ZNF134: variants seen among roughly 807,000 people sequenced by gnomAD.
ZNF134 encodes the protein zinc finger protein 134.
Under a neutral mutation model 2.5 loss-of-function variants are expected in ZNF134, and 5 were observed. That is an observed-to-expected ratio of 2.03 (90% CI 1.06 to 4.27). The LOEUF (loss-of-function observed/expected upper bound fraction) is 4.27, where lower values mean the gene tolerates loss of function less well. Ranked by LOEUF, ZNF134 falls within the 30% of genes most tolerant of loss-of-function variation. The pLI, the probability that ZNF134 is intolerant of heterozygous loss-of-function variation, is 0.00. For synonymous variants in ZNF134, 176 were observed against 176.2 expected (o/e 1.00, Z 0.01); for missense variants, 540 against 517.5 (o/e 1.04, Z -0.42).
Position 57,622,227 on chromosome 19 carries a change from TG to T in ZNF134, c.*827del, listed in dbSNP as rs1416939529. On this transcript the variant is annotated 3_prime_UTR_variant, in exon 3 of 3. Transcript: ENST00000396161. ...TGCAGTGTTTTGAAACAGCATGGAT[TG>T]GGTGTCTTGTTTGCAGCATGTGTCC... 2 of 153,018 alleles carry T rather than the reference TG, an allele frequency of 1.3e-5. No homozygotes were observed. The highest frequency in any genetic ancestry group is 4.8e-5 in the African/African-American group (2 of 41,428). The allele number at this position is 153,018 out of a possible 1,614,324, so 9.5% of individuals were successfully genotyped here.
chr19:57,619,671 C>T, intron 2 of ZNF134, 163 bp downstream of exon 2: 1 of 809,046 alleles, frequency 1.2e-6, no homozygotes, highest in South Asian at 1.9e-5. Flanking sequence ...TGACTTCTGA[C>T]CCAGGGCTGT....
Position 57,620,176 on chromosome 19 carries a change from G to C in ZNF134, c.57G>C (p.Val19=). 5 of 1,611,672 alleles carry C rather than the reference G, an allele frequency of 3.1e-6. No homozygotes were observed. Among genetic ancestry groups the C allele is most frequent in the Non-Finnish European group, 4.2e-6 (5 of 1,178,180 alleles). The change falls in exon 3 of 3, where the codon GTG becomes GTC. Residue 19 remains valine (V), a synonymous_variant. Transcript: ENST00000396161. The part of the protein sequence containing the change: ...AWTGPGCWHE[V]KDEESSSEQS... ...TGCCTTCAGGTTGTTGGCATGAAGT[G>C]AAGGATGAAGAGTCATCTTCTGAAC...
rs114688947 is a variant in ZNF134, at chr19:57,619,338, T to A, written c.-57-74T>A. The A allele has an allele frequency of 4.2e-4, 506 of 1,204,430 alleles. 1 individual carries two copies. The African/African-American group carries it at 6.7e-3, about 16-fold the overall frequency. The allele number at this position is 1,204,430 out of a possible 1,614,324, so 74.6% of individuals were successfully genotyped here. The stretch of plus-strand genomic sequence containing the variant: ...TTTTGTAGCATTTGTTTTCTTGCAA[T>A]TTTGCATGGGTGGGCTACTCTGGCT... On this transcript the variant is annotated intron_variant, in intron 1 of 2. Transcript: ENST00000396161.
At position 57,624,107 on chromosome 19, in the gene ZNF134, T is replaced by A. The variant is rs528982617; in HGVS notation, c.*2704T>A. On this transcript the variant is annotated 3_prime_UTR_variant, in exon 3 of 3. Transcript: ENST00000396161. Reference sequence around the variant, plus strand: ...GGGCAGAGTCCTGAACCATGTGATATTCCCATGTCTTGACTCCCAGTGGCA... The same window carrying A: ...GGGCAGAGTCCTGAACCATGTGATAATCCCATGTCTTGACTCCCAGTGGCA... 2 of 152,242 alleles carry A rather than the reference T, an allele frequency of 1.3e-5. No homozygotes were observed. The highest frequency in any genetic ancestry group is 6.5e-5 in the Admixed American group (1 of 15,280). 9.4% of individuals were successfully genotyped at this position (152,242 alleles called of 1,614,324 possible).
rs943761281 is a variant in ZNF134, at chr19:57,622,803, G to A, written c.*1400G>A. The A allele has an allele frequency of 5.3e-5, 8 of 152,168 alleles. No individual in the cohort carries two copies. The highest frequency in any genetic ancestry group is 1.7e-4 in the African/African-American group (7 of 41,416). The allele number at this position is 152,168 out of a possible 1,614,324, so 9.4% of individuals were successfully genotyped here. Reference sequence around the variant, plus strand: ...TTGGAGTGATAAGAGTCACCATAGTGAGGTAGAGTCACTCTTAGTGATGTC... The same window carrying A: ...TTGGAGTGATAAGAGTCACCATAGTAAGGTAGAGTCACTCTTAGTGATGTC... On this transcript the variant is annotated 3_prime_UTR_variant, in exon 3 of 3. Transcript: ENST00000396161.
In ZNF134 at chr19:57,622,131, T is replaced by C. The variant is rs1236700129; in HGVS notation, c.*728T>C. ...GAATTAAGATCTTGTGTAGACCTGA[T>C]TTGTCTGGATTTTAGAGTTATTTGA... On this transcript the variant is annotated 3_prime_UTR_variant, in exon 3 of 3. Transcript: ENST00000396161. The C allele has an allele frequency of 6.5e-6, 1 of 154,802 alleles. No homozygotes were observed. Among genetic ancestry groups the C allele is most frequent in the Non-Finnish European group, 1.4e-5 (1 of 69,740 alleles). The allele number at this position is 154,802 out of a possible 1,614,324, so 9.6% of individuals were successfully genotyped here. A position where few individuals can be genotyped will look rare whatever the true frequency, so the allele number is the denominator to read the frequency against.
rs1205926117 is a variant in ZNF134, at chr19:57,621,180, G to C, written c.1061G>C (p.Ser354Thr). 1.9e-6 allele frequency: 3 copies of C among 1,614,202 alleles called. No individual in the cohort carries two copies. The highest frequency in any genetic ancestry group is 2.5e-6 in the Non-Finnish European group (3 of 1,180,040). Reference sequence around the variant, plus strand: ...TGCATTGAATGCGGGAAATTCTTTAGTCGAAGTTCTGACTATATTGCACAC... The same window carrying C: ...TGCATTGAATGCGGGAAATTCTTTACTCGAAGTTCTGACTATATTGCACAC... ...FECIECGKFF[S>T]RSSDYIAHQR... Residue 354 changes from serine (S) to threonine (T), a missense_variant, in exon 3 of 3, where the codon AGT (serine) becomes ACT (threonine). Physicochemically the swap from Ser to Thr is moderately conservative, Grantham distance 58. Transcript: ENST00000396161.
In ZNF134 at chr19:57,620,798, A is replaced by T; in HGVS notation, c.679A>T (p.Thr227Ser). 1 of 1,614,244 alleles carries T rather than the reference A, an allele frequency of 6.2e-7. No homozygotes were observed. Among genetic ancestry groups the T allele is most frequent in the Non-Finnish European group, 8.5e-7 (1 of 1,180,042 alleles). ...ATLVQHQRIHTGERPYECSEC... is the reference protein window; with the variant it reads ...ATLVQHQRIHSGERPYECSEC... ...ACTTGTCCAGCATCAGAGAATCCAT[A>T]CTGGAGAAAGGCCTTATGAATGCAG... The change falls in exon 3 of 3, where the codon ACT (threonine) becomes TCT (serine). Residue 227 changes from threonine to serine, a missense_variant. By Grantham distance (58) the Thr-to-Ser change is moderately conservative. Transcript: ENST00000396161.
chr19:57,623,443 T>TTATAGTAAAGA lies in ZNF134; in HGVS notation c.*2049_*2050insGATATAGTAAA, dbSNP rs1304322675. 1 of 152,102 alleles carries TTATAGTAAAGA rather than the reference T, an allele frequency of 6.6e-6. No homozygotes were observed. The highest frequency in any genetic ancestry group is 1.9e-4 in the East Asian group (1 of 5,194). 9.4% of individuals were successfully genotyped at this position (152,102 alleles called of 1,614,324 possible). A position where few individuals can be genotyped will look rare whatever the true frequency, so the allele number is the denominator to read the frequency against. ...AAGGTGTGACCATATATCTTACTAA[T>TTATAGTAAAGA]TATAGTAAAATATATTGGAAAAGAG... On this transcript the variant is annotated 3_prime_UTR_variant, in exon 3 of 3. Coordinates refer to ENST00000396161, the MANE Select transcript of ZNF134 (RefSeq NM_003435.5).
In ZNF134 at chr19:57,620,530, G is replaced by A. The variant is rs554581326; in HGVS notation, c.411G>A (p.Glu137=). Residue 137 remains glutamate (E), a synonymous_variant, in exon 3 of 3, where the codon GAG becomes GAA. Transcript: ENST00000396161. ...PSEKPFTCKE[E]QKNFQATLGG... is the part of the protein sequence containing the mutation. ...AGAAGCCCTTTACGTGTAAGGAGGA[G>A]CAGAAAAACTTCCAGGCTACTTTGG... is the stretch of plus-strand genomic sequence containing the variant. 41 of 1,614,220 alleles carry A rather than the reference G, an allele frequency of 2.5e-5. 1 individual carries two copies. In the South Asian group the frequency reaches 4.4e-4, roughly 17 times the overall value.
Position 57,623,992 on chromosome 19 carries a change from T to C in ZNF134, c.*2589T>C, listed in dbSNP as rs1477946568. 6.6e-6 allele frequency: 1 copy of C among 152,240 alleles called. No homozygotes were observed. Among genetic ancestry groups the C allele is most frequent in the East Asian group, 1.9e-4 (1 of 5,206 alleles). The allele number at this position is 152,240 out of a possible 1,614,324, so 9.4% of individuals were successfully genotyped here. On this transcript the variant is annotated 3_prime_UTR_variant, in exon 3 of 3. Coordinates refer to ENST00000396161, the MANE Select transcript of ZNF134 (RefSeq NM_003435.5). ...TGTGAAGTTAAAGGTTGTAATATTCTATACATGGGACTGGCTGCGGAAACA... is the reference window on the plus strand; with the variant it reads ...TGTGAAGTTAAAGGTTGTAATATTCCATACATGGGACTGGCTGCGGAAACA...
chr19:57,615,177 G>A (rs1981017507), intron 1 of ZNF134, among the ~76,000 whole-genome samples: 1 of 152,102 alleles, frequency 6.6e-6, no homozygotes, highest in Admixed American at 6.5e-5. Context: ...CAGGAATTGG[G>A]TTTTGGACTT....
rs940615663 is a variant in ZNF134 at position 57,622,611 on chromosome 19, T to C, written c.*1208T>C. ...GATTCCTCTCCCTCCCTGGGCTCTT[T>C]ACCTAATGTCTTTGCGGCACAGGCG... On this transcript the variant is annotated 3_prime_UTR_variant, in exon 3 of 3. Coordinates refer to ENST00000396161, the MANE Select transcript of ZNF134 (RefSeq NM_003435.5). The C allele has an allele frequency of 6.6e-6, 1 of 152,206 alleles. No individual in the cohort carries two copies. The highest frequency in any genetic ancestry group is 6.5e-5 in the Admixed American group (1 of 15,276). 9.4% of individuals were successfully genotyped at this position (152,206 alleles called of 1,614,324 possible).
intron 1 of ZNF134, among the ~76,000 whole-genome samples, chr19:57,618,200 T>C (rs979895384): frequency 6.6e-6 from 1 of 152,200 alleles, no homozygotes; most frequent in Non-Finnish European, 1.5e-5. Context: ...TCTGGATTGC[T>C]GAATTGACCC....
At position 57,621,186 on chromosome 19, in the gene ZNF134, G is replaced by C; in HGVS notation, c.1067G>C (p.Ser356Thr). ...GAATGCGGGAAATTCTTTAGTCGAA[G>C]TTCTGACTATATTGCACACCAGAGG... ...CIECGKFFSR[S>T]SDYIAHQRVH... Residue 356 changes from serine (S) to threonine (T), a missense_variant, in exon 3 of 3, where the codon AGT (serine) becomes ACT (threonine). Coordinates refer to ENST00000396161, the MANE Select transcript of ZNF134 (RefSeq NM_003435.5). The C allele has an allele frequency of 6.2e-7, 1 of 1,614,194 alleles. No homozygotes were observed. Among genetic ancestry groups the C allele is most frequent in the Non-Finnish European group, 8.5e-7 (1 of 1,180,042 alleles).
In ZNF134 at chr19:57,620,069, C is replaced by G. The variant is rs1183925469; in HGVS notation, c.41-91C>G. ...TGTTCCACCAGGAAACTTAGGTACT[C>G]AGTCCTGGGTACAGCAGACACATAT... On this transcript the variant is annotated intron_variant, in intron 2 of 2. Transcript: ENST00000396161. 2.8e-6 allele frequency: 4 copies of G among 1,450,432 alleles called. No individual in the cohort carries two copies. In the East Asian group the frequency reaches 9.1e-5, roughly 33 times the overall value. The allele number at this position is 1,450,432 out of a possible 1,614,324, so 89.8% of individuals were successfully genotyped here.
rs1294685415 is a variant in ZNF134 at position 57,623,069 on chromosome 19, TTCTC to T, written c.*1669_*1672del. ...AAAGTTAACCTGAGGCCCTTAACCT[TTCTC>T]TCAGTGCTCGCCTTCCCCCAGAATC... On this transcript the variant is annotated 3_prime_UTR_variant, in exon 3 of 3. Coordinates refer to ENST00000396161, the MANE Select transcript of ZNF134 (RefSeq NM_003435.5). The T allele has an allele frequency of 2.0e-5, 3 of 151,994 alleles. No individual in the cohort carries two copies. Among genetic ancestry groups the T allele is most frequent in the Non-Finnish European group, 4.4e-5 (3 of 67,998 alleles). 9.4% of individuals were successfully genotyped at this position (151,994 alleles called of 1,614,324 possible). A position where few individuals can be genotyped will look rare whatever the true frequency, so the allele number is the denominator to read the frequency against.
At chr19:57,614,988 A>G (rs900531219) in intron 1 of ZNF134, among the ~76,000 whole-genome samples, 1 of 151,970 alleles carries the variant, frequency 6.6e-6, no homozygotes, top group Non-Finnish European at 1.5e-5. Flanking sequence ...GGAAGTCATG[A>G]GATTCTGGGT....
intron 2 of ZNF134, among the ~76,000 whole-genome samples, chr19:57,619,887 G>A (rs575488737): frequency 4.7e-4 from 72 of 152,322 alleles, no homozygotes; most frequent in Admixed American, 3.9e-3. Context: ...CCCACAGTCA[G>A]CCAAGGTCCT....
Sources: gnomAD v4.1 joint callset for allele counts (sites outside exome capture counted in the v4.1 genomes callset) on GRCh38, gnomAD v4.1.1 for gene constraint, MANE v1.5 for transcripts, NCBI Gene and HGNC (gene_info 2026-07-23, HGNC 2026-07-21) for gene names.